CNOT7: variants seen among roughly 807,000 people sequenced by gnomAD.
CNOT7 encodes the protein BTG1-binding factor 1.
CNOT7 carries 4 observed loss-of-function variants against 37.1 expected under a neutral mutation model. That is an observed-to-expected ratio of 0.11 (90% CI 0.05 to 0.25). The LOEUF (loss-of-function observed/expected upper bound fraction) is 0.25, where lower values mean the gene tolerates loss of function less well. CNOT7 is among the 10% of genes least tolerant of loss of function. The pLI is 1.00. For synonymous variants in CNOT7, 128 were observed against 115.6 expected (o/e 1.11, Z -0.69); for missense variants, 170 against 336.2 (o/e 0.51, Z 3.87).
chr8:17,232,312 T>C (rs2150970847), intron 6 of CNOT7, 115 bp downstream of exon 6: 3 of 1,567,126 alleles, frequency 1.9e-6, no homozygotes. Flanking sequence ...TCATATGGTA[T>C]CTCTAATTAT....
At position 17,232,386 on chromosome 8, in the gene CNOT7, C is replaced by T. The variant is rs578033523; in HGVS notation, c.729+41G>A. 1.2e-5 allele frequency: 19 copies of T among 1,613,394 alleles called. No homozygotes were observed. The South Asian group carries it at 1.3e-4, about 11-fold the overall frequency. On this transcript the variant is annotated intron_variant, in intron 6 of 6. Transcript: ENST00000361272. ...GCCACAAGATTTTTAATGTTCTCAA[C>T]CTAACAACCAACTGAGAAAAAGGCA...
intron 6 of CNOT7, chr8:17,232,158 T>C (rs539184962): frequency 8.6e-7 from 1 of 1,157,310 alleles, no homozygotes; most frequent in East Asian, 4.6e-5. Flanking sequence ...ACCTGAGAAA[T>C]AATATGGTTG....
chr8:17,239,059 G>C (rs1050157447), intron 3 of CNOT7, among the ~76,000 whole-genome samples: 1 of 152,136 alleles, frequency 6.6e-6, no homozygotes, highest in Admixed American at 6.5e-5. Context: ...CTATTCTGTT[G>C]ATTCTGCTTT....
chr8:17,235,629 G>T (rs1460341917), intron 4 of CNOT7, among the ~76,000 whole-genome samples: 9 of 152,186 alleles, frequency 5.9e-5, no homozygotes, highest in Admixed American at 5.9e-4. Flanking sequence ...AGGCCACTTA[G>T]ACACGTCCGT....
At chr8:17,232,560 T>G (rs1400674139) in intron 5 of CNOT7, 23 bp from the exon 6 acceptor site, 2 of 1,599,656 alleles carry the variant, frequency 1.3e-6, no homozygotes. Context: ...AAAAATTGCT[T>G]GTCAAGAAGA....
intron 3 of CNOT7, among the ~76,000 whole-genome samples, chr8:17,240,358 T>G (rs553799904): frequency 1.3e-5 from 2 of 152,270 alleles, no homozygotes; most frequent in East Asian, 3.9e-4. Context: ...TGAGATTTTT[T>G]TTTTTTTTAG....
intron 2 of CNOT7, chr8:17,244,479 T>A (rs1810620274): frequency 6.6e-6 from 1 of 152,362 alleles, no homozygotes; most frequent in African/African-American, 2.4e-5. Flanking sequence ...CGCCCTAATG[T>A]TCTCCTGTTG....
chr8:17,243,355 A>G, intron 2 of CNOT7, 170 bp from the exon 3 acceptor site: 1 of 639,712 alleles, frequency 1.6e-6, no homozygotes, highest in Non-Finnish European at 2.8e-6. Flanking sequence ...AGAACCATAA[A>G]ACTCTATAAA....
Position 17,230,666 on chromosome 8 carries a change from C to T in CNOT7, c.*54G>A, listed in dbSNP as rs868480538. On this transcript the variant is annotated 3_prime_UTR_variant, in exon 7 of 7. Transcript: ENST00000361272. ...TCGAGGGATTCAACCAGAGATAAAA[C>T]CTATATACAAGCATGTGTGTAGCTC... is the stretch of plus-strand genomic sequence containing the variant. The T allele has an allele frequency of 1.3e-6, 2 of 1,495,272 alleles. No individual in the cohort carries two copies. The highest frequency in any genetic ancestry group is 1.4e-5 in the African/African-American group (1 of 70,452). 92.6% of individuals were successfully genotyped at this position (1,495,272 alleles called of 1,614,324 possible).
chr8:17,228,706 C>G lies in CNOT7; in HGVS notation c.*2014G>C, dbSNP rs746685039. 5 of 151,832 alleles carry G rather than the reference C, an allele frequency of 3.3e-5. No individual in the cohort carries two copies. The highest frequency in any genetic ancestry group is 7.4e-5 in the Non-Finnish European group (5 of 67,808). The allele number at this position is 151,832 out of a possible 1,614,324, so 9.4% of individuals were successfully genotyped here. ...TATCTATACTTTTTAGGGACAGAAG[C>G]CAGAAATGATACAAGTTATGAGATT... On this transcript the variant is annotated 3_prime_UTR_variant, in exon 7 of 7. Transcript: ENST00000361272.
Position 17,228,930 on chromosome 8 carries a change from A to T in CNOT7, c.*1790T>A, listed in dbSNP as rs1808332936. ...CTTACTACATTGTGTTAGATTTTTT[A>T]AAAAGCCACAGTTATACCAAATGTA... On this transcript the variant is annotated 3_prime_UTR_variant, in exon 7 of 7. Coordinates refer to ENST00000361272, the MANE Select transcript of CNOT7 (RefSeq NM_013354.7). The T allele has an allele frequency of 1.3e-5, 2 of 151,984 alleles. No individual in the cohort carries two copies. The highest frequency in any genetic ancestry group is 2.9e-5 in the Non-Finnish European group (2 of 67,870). 9.4% of individuals were successfully genotyped at this position (151,984 alleles called of 1,614,324 possible). A position where few individuals can be genotyped will look rare whatever the true frequency, so the allele number is the denominator to read the frequency against.
intron 2 of CNOT7, chr8:17,243,758 C>T (rs1810506836): frequency 2.5e-6 from 1 of 403,642 alleles, no homozygotes; most frequent in South Asian, 1.8e-5. Flanking sequence ...TCTATGTTGC[C>T]ACTCTTTATC....
chr8:17,229,853 G>A lies in CNOT7; in HGVS notation c.*867C>T, dbSNP rs1188993726. 4.8e-5 allele frequency: 7 copies of A among 146,696 alleles called. No homozygotes were observed. The highest frequency in any genetic ancestry group is 9.9e-5 in the African/African-American group (4 of 40,228). 9.1% of individuals were successfully genotyped at this position (146,696 alleles called of 1,614,324 possible). ...GCTACAAAATTTAAAAAAAAAAAAA[G>A]GGTAAATGGTGATGGAATAAAAATA... On this transcript the variant is annotated 3_prime_UTR_variant, in exon 7 of 7. Coordinates refer to ENST00000361272, the MANE Select transcript of CNOT7 (RefSeq NM_013354.7).
In CNOT7 at chr8:17,230,583, C is replaced by CT; in HGVS notation, c.*136dup. ...GAGATAGGAACGGTCATACTTAGTA[C>CT]TGAAAGGCAGACAATAAAATGGGCC... On this transcript the variant is annotated 3_prime_UTR_variant, in exon 7 of 7. Transcript: ENST00000361272. 4 of 573,178 alleles carry CT rather than the reference C, an allele frequency of 7.0e-6. No homozygotes were observed. Among genetic ancestry groups the CT allele is most frequent in the Non-Finnish European group, 1.1e-5 (4 of 348,974 alleles). 35.5% of individuals were successfully genotyped at this position (573,178 alleles called of 1,614,324 possible).
chr8:17,234,005 G>A (rs960056189), intron 5 of CNOT7, among the ~76,000 whole-genome samples: 1 of 152,144 alleles, frequency 6.6e-6, no homozygotes, highest in South Asian at 2.1e-4. Context: ...AGTGAGCCGA[G>A]ACCACGCCAC....
At chr8:17,243,578 T>G (rs1240508384) in intron 2 of CNOT7, 5 of 459,902 alleles carry the variant, frequency 1.1e-5, no homozygotes, top group Non-Finnish European at 2.2e-5. Flanking sequence ...GCCCTGTACT[T>G]TCCAATTGCT....
chr8:17,243,203 GATTC>G lies in CNOT7; in HGVS notation c.118-22_118-19del, dbSNP rs763778726. 5.0e-5 allele frequency: 79 copies of G among 1,568,390 alleles called. No individual in the cohort carries two copies. The highest frequency in any genetic ancestry group is 3.1e-4 in the Admixed American group (15 of 48,088). Reference sequence around the variant, plus strand: ...TCGGTGTCCTGTAAAATAGTTTTAAGATTCATTATGTACTAAACAGTCAAAACTA... The same window carrying G: ...TCGGTGTCCTGTAAAATAGTTTTAAGATTATGTACTAAACAGTCAAAACTA... On this transcript the variant is annotated intron_variant, in intron 2 of 6. Transcript: ENST00000361272.
intron 2 of CNOT7, chr8:17,243,449 C>G (rs1810464832): frequency 1.0e-5 from 6 of 586,072 alleles, no homozygotes; most frequent in Admixed American, 8.6e-5. Context: ...TACTCTATAA[C>G]CAAGAAAGGG....
intron 4 of CNOT7, among the ~76,000 whole-genome samples, chr8:17,236,352 A>G (rs1022418557): frequency 2.6e-5 from 4 of 152,196 alleles, no homozygotes; most frequent in African/African-American, 9.6e-5. Context: ...AGCCAATATC[A>G]TTCTGAAGGT....
Sources: gnomAD v4.1 joint callset for allele counts (sites outside exome capture counted in the v4.1 genomes callset) on GRCh38, gnomAD v4.1.1 for gene constraint, MANE v1.5 for transcripts, NCBI Gene and HGNC (gene_info 2026-07-23, HGNC 2026-07-21) for gene names.